Variants in PARVB observed in about 807,000 individuals in gnomAD.
PARVB encodes the protein parvin beta.
A neutral mutation model predicts 47.0 loss-of-function variants in PARVB; 46 were observed. The ratio of observed to expected loss-of-function variants is 0.98; its 90% CI spans 0.77 to 1.25. PARVB has a LOEUF of 1.25. PARVB is among the 50% of genes most tolerant of loss of function. The pLI is 0.00. For synonymous variants in PARVB, 196 were observed against 196.3 expected (o/e 1.00, Z 0.01); for missense variants, 473 against 471.6 (o/e 1.00, Z -0.03).
At chr22:44,022,842 G>A (rs901033671), upstream of PARVB, among the ~76,000 whole-genome samples, 1 of 151,856 alleles carries the variant, frequency 6.6e-6, no homozygotes, top group African/African-American at 2.4e-5. Context: ...CACCTCCCGA[G>A]TTCAAGCGAT....
chr22:44,133,099 T>A, intron 6 of PARVB, 90 bp downstream of exon 6: 1 of 781,046 alleles, frequency 1.3e-6, no homozygotes, highest in Non-Finnish European at 2.1e-6. Context: ...CCCCTCCTTT[T>A]TTCCCCCCAG....
intron 4 of PARVB, among the ~76,000 whole-genome samples, chr22:44,119,344 C>T (rs184461818): frequency 6.6e-6 from 1 of 152,218 alleles, no homozygotes; most frequent in Non-Finnish European, 1.5e-5. Context: ...ACAGAGCACC[C>T]AGCCATGGGG....
chr22:44,122,562 C>CAGAGAGAGAGAGAGAG (rs55865160), intron 4 of PARVB, among the ~76,000 whole-genome samples: 2 of 78,786 alleles, frequency 2.5e-5, no homozygotes, highest in Non-Finnish European at 4.8e-5. Context: ...GACACAGAGA[C>CAGAGAGAGAGAGAGAG]AGAGAGAGAG....
intron 1 of PARVB, among the ~76,000 whole-genome samples, chr22:44,037,452 T>C (rs2050942026): frequency 6.6e-6 from 1 of 152,104 alleles, no homozygotes; most frequent in Non-Finnish European, 1.5e-5. Context: ...CAAATCAGAA[T>C]GGAGCTTATA....
intron 2 of PARVB, among the ~76,000 whole-genome samples, chr22:44,011,218 C>T (rs1353197796): frequency 6.6e-6 from 1 of 152,146 alleles, no homozygotes; most frequent in Non-Finnish European, 1.5e-5. Context: ...AAGTGATCCT[C>T]CTGCCTCAGC....
chr22:44,033,382 T>C (rs956717851), intron 1 of PARVB, among the ~76,000 whole-genome samples: 1 of 152,170 alleles, frequency 6.6e-6, no homozygotes, highest in African/African-American at 2.4e-5. Context: ...AGTAACTGTT[T>C]AGCGTGTGCA....
intron 1 of PARVB, among the ~76,000 whole-genome samples, chr22:44,071,999 C>T (rs1410461498): frequency 6.6e-6 from 1 of 152,208 alleles, no homozygotes; most frequent in African/African-American, 2.4e-5. Flanking sequence ...CTCCCTCCCT[C>T]GCTCTCTACC....
chr22:44,114,243 A>G, intron 3 of PARVB: 1 of 147,370 alleles, frequency 6.8e-6, no homozygotes, highest in South Asian at 2.1e-4. Flanking sequence ...ACCAACACAG[A>G]TACATTGTTA....
intron 1 of PARVB, among the ~76,000 whole-genome samples, chr22:44,054,877 C>T (rs1159491861): frequency 6.6e-6 from 1 of 150,530 alleles, no homozygotes; most frequent in Non-Finnish European, 1.5e-5. Context: ...GTAATCCCAG[C>T]TGCTCGGGAG....
At chr22:44,131,343 T>C (rs2053313580) in intron 4 of PARVB, 144 bp from the exon 5 acceptor site, 3 of 742,304 alleles carry the variant, frequency 4.0e-6, no homozygotes, top group African/African-American at 3.6e-5. Flanking sequence ...GATTTCACCA[T>C]ATTTGCCAGG....
Position 44,100,105 on chromosome 22 carries a change from G to A in PARVB, c.255G>A (p.Lys85=), listed in dbSNP as rs2052406932. 2.5e-6 allele frequency: 4 copies of A among 1,613,838 alleles called. No homozygotes were observed. The highest frequency in any genetic ancestry group is 3.4e-6 in the Non-Finnish European group (4 of 1,179,726). The part of the protein sequence containing the change: ...MIDPTSKEDP[K]FKELVKVLLD... ...ACCCCACTTCCAAGGAAGACCCCAA[G>A]TTCAAGGAACTGGTCAAGGTAAGGA... is the stretch of plus-strand genomic sequence containing the variant. The change falls in exon 3 of 13, where the codon AAG becomes AAA. Residue 85 remains lysine (K), a synonymous_variant. Coordinates refer to ENST00000338758, the MANE Select transcript of PARVB (RefSeq NM_013327.5).
chr22:44,043,277 G>T (rs1339968435), intron 1 of PARVB, among the ~76,000 whole-genome samples: 4 of 152,188 alleles, frequency 2.6e-5, no homozygotes, highest in Non-Finnish European at 5.9e-5. Flanking sequence ...TGGGTACAGG[G>T]ATTATTTTGG....
Position 44,170,383 on chromosome 22 carries a change from T to A in PARVB, c.*1705T>A, listed in dbSNP as rs1162572485. 6.6e-6 allele frequency: 1 copy of A among 152,096 alleles called. No individual in the cohort carries two copies. The highest frequency in any genetic ancestry group is 1.9e-4 in the East Asian group (1 of 5,196). 9.4% of individuals were successfully genotyped at this position (152,096 alleles called of 1,614,324 possible). On this transcript the variant is annotated 3_prime_UTR_variant, in exon 13 of 13. Coordinates refer to ENST00000338758, the MANE Select transcript of PARVB (RefSeq NM_013327.5). ...CCTCATTTAATCTTGATTACCTCCA[T>A]AAAGACCCTGTCTCCAAATACCATC...
At chr22:44,164,357 C>T (rs1001303588) in intron 12 of PARVB, among the ~76,000 whole-genome samples, 1 of 151,938 alleles carries the variant, frequency 6.6e-6, no homozygotes, top group African/African-American at 2.4e-5. Flanking sequence ...CTGCGTGGGT[C>T]GGAGCTGGAG....
intron 9 of PARVB, chr22:44,151,265 C>CT (rs1179529884): frequency 1.9e-5 from 10 of 513,092 alleles, no homozygotes; most frequent in South Asian, 1.7e-4. Context: ...GGTTGGTGAG[C>CT]AGAGACGTGT....
chr22:44,153,583 C>A (rs1343116622), intron 10 of PARVB: 1 of 152,168 alleles, frequency 6.6e-6, no homozygotes, highest in Non-Finnish European at 1.5e-5. Flanking sequence ...CCTGCCTCAG[C>A]CTCCCAAAGT....
intron 1 of PARVB, among the ~76,000 whole-genome samples, chr22:44,056,622 C>T (rs1190804799): frequency 6.6e-6 from 1 of 152,108 alleles, no homozygotes; most frequent in Non-Finnish European, 1.5e-5. Context: ...CCTCCCACCT[C>T]AGCCTCCTGA....
chr22:44,164,458 C>T (rs995947803), intron 12 of PARVB, among the ~76,000 whole-genome samples: 2 of 149,604 alleles, frequency 1.3e-5, no homozygotes, highest in African/African-American at 4.9e-5. Flanking sequence ...ACTCTCTAAC[C>T]TGAGTGAGCA....
At chr22:44,109,092 T>G (rs1056674121) in intron 3 of PARVB, 1 of 152,250 alleles carries the variant, frequency 6.6e-6, no homozygotes, top group African/African-American at 2.4e-5. Flanking sequence ...TCTTCCTCCC[T>G]TTGTCTCTCC....
Sources: allele counts gnomAD v4.1 joint callset (sites outside exome capture counted in the v4.1 genomes callset), GRCh38; gene constraint gnomAD v4.1.1; transcripts MANE v1.5; gene names NCBI Gene and HGNC (gene_info 2026-07-23, HGNC 2026-07-21).